The following WIPI2 variants were observed in gnomAD, a reference collection of about 807,000 sequenced individuals.
The protein encoded by WIPI2 is WD repeat domain phosphoinositide-interacting protein 2.
In WIPI2, 28 loss-of-function variants were observed where a neutral mutation model predicts 52.3. The observed-to-expected ratio is 0.54, with a 90% CI of 0.40 to 0.73. WIPI2 has a LOEUF of 0.73. Ranked by LOEUF, WIPI2 falls within the 30% of genes least tolerant of loss-of-function variation. The pLI is 0.00. For missense variants in WIPI2, 506 were observed against 602.9 expected (o/e 0.84, Z 1.68); for synonymous variants, 268 against 245.0 (o/e 1.09, Z -0.88).
Position 5,217,152 on chromosome 7 carries a change from A to G in WIPI2, c.541A>G (p.Ile181Val), listed in dbSNP as rs1782856291. 2 of 1,614,148 alleles carry G rather than the reference A, an allele frequency of 1.2e-6. No individual in the cohort carries two copies. The highest frequency in any genetic ancestry group is 8.5e-7 in the Non-Finnish European group (1 of 1,180,008). ...CTTGGCGTACCCAGGGAGCGCGACC[A>G]TCGGAGAGGTGCAGGTCTTCGATAC... is the stretch of plus-strand genomic sequence containing the variant. ...CYLAYPGSAT[I>V]GEVQVFDTIN... Residue 181 changes from isoleucine (I) to valine (V), a missense_variant, in exon 6 of 13, where the codon ATC becomes GTC. Coordinates refer to ENST00000288828, the MANE Select transcript of WIPI2 (RefSeq NM_015610.4).
At chr7:5,222,989 G>A (rs1364005777) in intron 8 of WIPI2, among the ~76,000 whole-genome samples, 2 of 152,204 alleles carry the variant, frequency 1.3e-5, no homozygotes, top group African/African-American at 4.8e-5. Context: ...GACGTCATGG[G>A]TAGCACACCC....
chr7:5,222,268 G>A (rs1022892400), intron 7 of WIPI2, among the ~76,000 whole-genome samples: 3 of 152,182 alleles, frequency 2.0e-5, no homozygotes, highest in African/African-American at 7.2e-5. Flanking sequence ...ATTTTTAATA[G>A]TTTAAACTTC....
chr7:5,198,205 A>G (rs144763461), intron 2 of WIPI2, among the ~76,000 whole-genome samples: 47 of 152,346 alleles, frequency 3.1e-4, no homozygotes, highest in African/African-American at 1.1e-3. Flanking sequence ...GCCATGGCAC[A>G]GCACAGGGGT....
chr7:5,219,394 T>C (rs1178514842), intron 7 of WIPI2, among the ~76,000 whole-genome samples: 1 of 152,248 alleles, frequency 6.6e-6, no homozygotes, highest in African/African-American at 2.4e-5. Flanking sequence ...AATGTTTCTT[T>C]AGTAGCTCTT....
intron 8 of WIPI2, among the ~76,000 whole-genome samples, chr7:5,223,365 C>T (rs546184493): frequency 1.3e-3 from 194 of 152,312 alleles, no homozygotes; most frequent in African/African-American, 4.3e-3. Flanking sequence ...CTGAAGGTGG[C>T]TGTTGAAAGA....
At chr7:5,203,061 C>G (rs1347974679) in intron 3 of WIPI2, among the ~76,000 whole-genome samples, 1 of 152,144 alleles carries the variant, frequency 6.6e-6, no homozygotes, top group Non-Finnish European at 1.5e-5. Context: ...TGACTACAGC[C>G]TGCGTTGATT....
At chr7:5,199,679 T>G (rs767889838) in intron 3 of WIPI2, 21 bp downstream of exon 3, 1 of 1,554,770 alleles carries the variant, frequency 6.4e-7, no homozygotes, top group Admixed American at 2.2e-5. Context: ...GCTTTATTTT[T>G]CCCCTTCTTA....
intron 8 of WIPI2, 53 bp from the exon 9 acceptor site, chr7:5,225,770 C>G: frequency 7.3e-7 from 1 of 1,372,096 alleles, no homozygotes; most frequent in African/African-American, 1.4e-5. Context: ...GAGTTGAACC[C>G]CTGGGGCAGC....
intron 3 of WIPI2, among the ~76,000 whole-genome samples, chr7:5,211,502 C>T (rs930320562): frequency 6.6e-6 from 1 of 152,118 alleles, no homozygotes; most frequent in Non-Finnish European, 1.5e-5. Flanking sequence ...TCGCATGTGT[C>T]TACGGACGGC....
At chr7:5,229,543 G>T in intron 11 of WIPI2, 65 bp from the exon 12 acceptor site, 2 of 1,565,230 alleles carry the variant, frequency 1.3e-6, no homozygotes, top group South Asian at 1.2e-5. Flanking sequence ...AGGGCAGCCA[G>T]TGTGTACTGC....
At chr7:5,228,724 TAAC>T (rs746057103) in intron 11 of WIPI2, among the ~76,000 whole-genome samples, 4 of 152,220 alleles carry the variant, frequency 2.6e-5, no homozygotes, top group Admixed American at 6.5e-5. Flanking sequence ...CAAAAAGTTC[TAAC>T]AACATATAAT....
At chr7:5,191,168 C>T (rs1019194040) in intron 1 of WIPI2, among the ~76,000 whole-genome samples, 1 of 151,970 alleles carries the variant, frequency 6.6e-6, no homozygotes, top group Non-Finnish European at 1.5e-5. Flanking sequence ...TACAGGCACG[C>T]GCCACTGTGC....
rs186985338 is a variant in WIPI2 at position 5,214,178 on chromosome 7, T to C, written c.212-357T>C. 3 of 994,762 alleles carry C rather than the reference T, an allele frequency of 3.0e-6. No individual in the cohort carries two copies. In the Admixed American group the frequency reaches 1.1e-4, roughly 37 times the overall value. The allele number at this position is 994,762 out of a possible 1,614,324, so 61.6% of individuals were successfully genotyped here. ...AGGGGAAGCAATTGCAGTTTCGTAG[T>C]AGTTTGTGTCTTAATTAAGGGAGCC... On this transcript the variant is annotated intron_variant, in intron 3 of 12. Coordinates refer to ENST00000288828, the MANE Select transcript of WIPI2 (RefSeq NM_015610.4).
intron 3 of WIPI2, among the ~76,000 whole-genome samples, chr7:5,207,846 A>G (rs376163936): frequency 7.0e-4 from 103 of 147,674 alleles, no homozygotes; most frequent in African/African-American, 2.5e-3. Context: ...GCTCACTGCA[A>G]CCTCCACCTC....
At chr7:5,196,880 G>A (rs966202440) in intron 2 of WIPI2, among the ~76,000 whole-genome samples, 5 of 151,970 alleles carry the variant, frequency 3.3e-5, no homozygotes, top group Non-Finnish European at 5.9e-5. Flanking sequence ...GGGAGGCCGA[G>A]GCAAGTGGAT....
At chr7:5,202,296 A>G (rs1488263579) in intron 3 of WIPI2, among the ~76,000 whole-genome samples, 1 of 152,202 alleles carries the variant, frequency 6.6e-6, no homozygotes, top group African/African-American at 2.4e-5. Flanking sequence ...GTACTGGAAG[A>G]TAGATTTTCT....
rs772963957 is a variant in WIPI2, at chr7:5,225,863, A to G, written c.781A>G (p.Met261Val). 3 of 1,613,838 alleles carry G rather than the reference A, an allele frequency of 1.9e-6. No homozygotes were observed. The highest frequency in any genetic ancestry group is 2.5e-6 in the Non-Finnish European group (3 of 1,179,956). ...CTCCCTGGCCTTCAGCATGGACGGC[A>G]TGTTCCTCTCCGCCTCCAGCAACAC... Reference protein sequence around the residue: ...ICSLAFSMDGMFLSASSNTET... With the variant: ...ICSLAFSMDGVFLSASSNTET... The change falls in exon 9 of 13, where the codon ATG becomes GTG. Residue 261 changes from methionine (M) to valine (V), a missense_variant. Transcript: ENST00000288828.
rs139090506 is a variant in WIPI2, at chr7:5,216,631, G to C, written c.450G>C (p.Thr150=). The change falls in exon 5 of 13, where the codon ACG becomes ACC. Residue 150 remains threonine, a synonymous_variant. Coordinates refer to ENST00000288828, the MANE Select transcript of WIPI2 (RefSeq NM_015610.4). ...HNIRDMKVLH[T]IRETPPNPAG... ...TTCGGGACATGAAGGTGCTGCATAC[G>C]ATCAGGGAGACGCCTCCAAACCCTG... is the stretch of plus-strand genomic sequence containing the variant. 2 of 1,614,180 alleles carry C rather than the reference G, an allele frequency of 1.2e-6. No individual in the cohort carries two copies. The highest frequency in any genetic ancestry group is 1.3e-5 in the African/African-American group (1 of 75,048).
chr7:5,215,405 A>G (rs1782764732), intron 4 of WIPI2, among the ~76,000 whole-genome samples: 1 of 152,214 alleles, frequency 6.6e-6, no homozygotes, highest in Admixed American at 6.5e-5. Flanking sequence ...TCTCCCCCTA[A>G]ACTAATAAGA....
Sources: gnomAD v4.1 joint callset for allele counts (sites outside exome capture counted in the v4.1 genomes callset) on GRCh38, gnomAD v4.1.1 for gene constraint, MANE v1.5 for transcripts, NCBI Gene and HGNC (gene_info 2026-07-23, HGNC 2026-07-21) for gene names.